DMD: variants seen among roughly 807,000 people sequenced by gnomAD.
DMD encodes the protein mutant dystrophin.
DMD carries 63 observed loss-of-function variants against 330.1 expected under a neutral mutation model. That is an observed-to-expected ratio of 0.19 (90% CI 0.16 to 0.24). DMD has a LOEUF of 0.24. Ranked by LOEUF, DMD falls within the 10% of genes least tolerant of loss-of-function variation. DMD has a pLI of 1.00. For missense variants in DMD, 3,344 were observed against 2,684.1 expected, an observed-to-expected ratio of 1.25 and a Z score of -5.43; for synonymous variants, 1,223 against 959.8, an observed-to-expected ratio of 1.27 and a Z score of -5.07.
chrX:32,677,122 G>A (rs1360963523), intron 9 of DMD, among the ~76,000 whole-genome samples: 1 of 111,078 alleles, frequency 9.0e-6, no homozygotes, highest in South Asian at 3.7e-4. Context: ...AAAATTAATT[G>A]AAAAGAGTCT....
At chrX:32,598,408 G>A (rs1239952892) in intron 12 of DMD, among the ~76,000 whole-genome samples, 1 of 111,400 alleles carries the variant, frequency 9.0e-6, no homozygotes, top group Non-Finnish European at 1.9e-5. Context: ...TTTTGAAGGT[G>A]TCAGCCGGGA....
At chrX:31,702,522 G>T (rs946558957) in intron 52 of DMD, among the ~76,000 whole-genome samples, 1 of 111,559 alleles carries the variant, frequency 9.0e-6, no homozygotes, top group Non-Finnish European at 1.9e-5. Flanking sequence ...AGAAGATGCC[G>T]AGTCACTTCT....
chrX:32,285,489 T>G (rs2097436654), intron 43 of DMD, among the ~76,000 whole-genome samples: 1 of 111,735 alleles, frequency 8.9e-6, no homozygotes, highest in African/African-American at 3.3e-5. Context: ...TCATGGCTCG[T>G]GGCAGCCTTG....
rs5971642 is a variant in DMD at position 32,581,208 on chromosome X, T to C, written c.1603-7362A>G. 4.1e-3 allele frequency among the ~76,000 whole-genome samples: 462 copies of C among 112,216 alleles called. 3 individuals are homozygous for C. Among genetic ancestry groups the C allele is most frequent in the African/African-American group, 0.014 (440 of 30,882 alleles). ...TCATGCCAACTCTTGACATCACAAC[T>C]TTTCATCCACAAGAAATCACAAATT... On this transcript the variant is annotated intron_variant, in intron 13 of 78. Transcript: ENST00000357033.
At chrX:32,544,426 G>A (rs1370445742) in intron 17 of DMD, among the ~76,000 whole-genome samples, 2 of 111,376 alleles carry the variant, frequency 1.8e-5, no homozygotes, top group African/African-American at 6.5e-5. Context: ...AGATTTTAAC[G>A]TTCTTTCTTA....
At chrX:31,766,420 G>A (rs1029717021) in intron 51 of DMD, among the ~76,000 whole-genome samples, 18 of 111,378 alleles carry the variant, frequency 1.6e-4, no homozygotes, top group African/African-American at 4.9e-4. Flanking sequence ...CACCACGCCC[G>A]GCTAATTTTG....
intron 59 of DMD, among the ~76,000 whole-genome samples, chrX:31,465,277 A>G (rs995152310): frequency 4.5e-5 from 5 of 110,748 alleles, no homozygotes; most frequent in Non-Finnish European, 9.4e-5. Flanking sequence ...ACATAGGTAT[A>G]CACATGCCAT....
chrX:31,668,868 T>C (rs2148674676), intron 53 of DMD, among the ~76,000 whole-genome samples: 1 of 112,198 alleles, frequency 8.9e-6, no homozygotes, highest in South Asian at 3.7e-4. Context: ...AGTATTTGAC[T>C]TTCTGTGCCT....
chrX:32,866,174 T>A (rs1366856745), intron 2 of DMD, among the ~76,000 whole-genome samples: 1 of 112,124 alleles, frequency 8.9e-6, no homozygotes, highest in African/African-American at 3.2e-5. Context: ...GATGAAGTTT[T>A]CCCAGACTAG....
At chrX:32,675,041 T>G (rs2061880778) in intron 9 of DMD, among the ~76,000 whole-genome samples, 1 of 111,755 alleles carries the variant, frequency 8.9e-6, no homozygotes, top group African/African-American at 3.2e-5. Flanking sequence ...CAGTGCCGAA[T>G]GTTCTGATTT....
intron 67 of DMD, among the ~76,000 whole-genome samples, chrX:31,199,363 CAT>C (rs1236306956): frequency 8.9e-6 from 1 of 112,561 alleles, no homozygotes; most frequent in Non-Finnish European, 1.9e-5. Context: ...AATGTGGAAA[CAT>C]ATCCTGTTGC....
chrX:32,869,481 A>G lies in DMD; in HGVS notation c.94-19661T>C, dbSNP rs186091242. 7.3e-5 allele frequency among the ~76,000 whole-genome samples: 8 copies of G among 110,317 alleles called. No individual in the cohort carries two copies. In the Admixed American group the frequency reaches 7.8e-4, roughly 11 times the overall value. ...AGCTAAAGGAGCATGGTCTAACCCAATGCAAAGAAGTTAAGAGCCATGATA... is the reference window on the plus strand; with the variant it reads ...AGCTAAAGGAGCATGGTCTAACCCAGTGCAAAGAAGTTAAGAGCCATGATA... On this transcript the variant is annotated intron_variant, in intron 2 of 78. Coordinates refer to ENST00000357033, the MANE Select transcript of DMD (RefSeq NM_004006.3).
chrX:32,888,538 G>T (rs895741430), intron 2 of DMD, among the ~76,000 whole-genome samples: 2 of 111,645 alleles, frequency 1.8e-5, no homozygotes, highest in Non-Finnish European at 3.8e-5. Flanking sequence ...ATGGAAAAGA[G>T]GGAAACCTTG....
chrX:33,161,375 C>T, intron 1 of DMD, among the ~76,000 whole-genome samples: 1 of 111,733 alleles, frequency 8.9e-6, no homozygotes, highest in Middle Eastern at 4.6e-3. Context: ...AGGTCAAATG[C>T]TGGTAGAGAA....
chrX:32,632,150 G>C (rs190685524), intron 11 of DMD, among the ~76,000 whole-genome samples: 1 of 112,050 alleles, frequency 8.9e-6, no homozygotes, highest in Non-Finnish European at 1.9e-5. Context: ...TTGGTCAAAA[G>C]AAAGGTCTCA....
At position 32,850,271 on chromosome X, in the gene DMD, G is replaced by T. The variant is rs545262150; in HGVS notation, c.94-451C>A. On this transcript the variant is annotated intron_variant, in intron 2 of 78. Transcript: ENST00000357033. Reference sequence around the variant, plus strand: ...CATCCTTATCACTCAAAACATGCTTGCTGTGCATACACATTTTGCATGCTA... The same window carrying T: ...CATCCTTATCACTCAAAACATGCTTTCTGTGCATACACATTTTGCATGCTA... 1.3e-4 allele frequency among the ~76,000 whole-genome samples: 15 copies of T among 111,664 alleles called. No individual in the cohort carries two copies. In the South Asian group the frequency reaches 5.6e-3, roughly 42 times the overall value.
At chrX:32,950,163 A>G (rs2091157827) in intron 2 of DMD, among the ~76,000 whole-genome samples, 2 of 110,775 alleles carry the variant, frequency 1.8e-5, no homozygotes, top group Non-Finnish European at 3.8e-5. Flanking sequence ...GGGTCCAAAA[A>G]CAAATATGTA....
At chrX:31,376,149 G>A (rs1250810935) in intron 60 of DMD, among the ~76,000 whole-genome samples, 1 of 112,152 alleles carries the variant, frequency 8.9e-6, no homozygotes, top group Non-Finnish European at 1.9e-5. Context: ...AGGCTCTGAG[G>A]AACTGCATGG....
chrX:31,430,254 G>A (rs1407031881), intron 60 of DMD, among the ~76,000 whole-genome samples: 1 of 111,348 alleles, frequency 9.0e-6, no homozygotes, highest in Non-Finnish European at 1.9e-5. Context: ...CAGCAAAGGA[G>A]AAGGGTGTAT....
Sources: gnomAD v4.1 joint callset for allele counts (sites outside exome capture counted in the v4.1 genomes callset) on GRCh38, gnomAD v4.1.1 for gene constraint, MANE v1.5 for transcripts, NCBI Gene and HGNC (gene_info 2026-07-23, HGNC 2026-07-21) for gene names.